Variants in SYNPR observed in about 807,000 individuals in gnomAD.
SYNPR encodes synaptoporin.
A neutral mutation model predicts 32.9 loss-of-function variants in SYNPR; 23 were observed. That is an observed-to-expected ratio of 0.70 (90% CI 0.50 to 0.99). The LOEUF (loss-of-function observed/expected upper bound fraction) is 0.99, where lower values mean the gene tolerates loss of function less well. Ranked by LOEUF, SYNPR falls within the 50% of genes least tolerant of loss-of-function variation. The probability of loss-of-function intolerance (pLI) is 0.00; values close to 1 mark genes in which losing one functional copy is unlikely to be tolerated. For synonymous variants in SYNPR, 146 were observed against 135.9 expected (o/e 1.07, Z -0.52); for missense variants, 318 against 349.3 (o/e 0.91, Z 0.71).
chr3:63,278,558 C>G lies in SYNPR; in HGVS notation c.18+7C>G. ...TATGGACCCTGTGAGTCAGGTGAGA[C>G]AGAACTGGGCAGGGCGGCTGGCTGG... is the stretch of plus-strand genomic sequence containing the variant. On this transcript the variant is annotated splice_region_variant and intron_variant, in intron 1 of 5. Coordinates refer to ENST00000478300, the MANE Select transcript of SYNPR (RefSeq NM_001130003.2). The G allele has an allele frequency of 6.4e-7, 1 of 1,550,940 alleles. No individual in the cohort carries two copies. Among genetic ancestry groups the G allele is most frequent in the Non-Finnish European group, 8.7e-7 (1 of 1,146,470 alleles).
At chr3:63,382,970 C>A (rs1040794753) in intron 2 of SYNPR, among the ~76,000 whole-genome samples, 2 of 152,142 alleles carry the variant, frequency 1.3e-5, no homozygotes, top group Non-Finnish European at 2.9e-5. Context: ...TTACTACAAT[C>A]TGCTCATTAG....
chr3:63,411,353 T>C (rs1017270983), intron 2 of SYNPR, among the ~76,000 whole-genome samples: 1 of 152,126 alleles, frequency 6.6e-6, no homozygotes, highest in Non-Finnish European at 1.5e-5. Flanking sequence ...ATTCAATGAA[T>C]ACTTACAGAG....
intron 4 of SYNPR, among the ~76,000 whole-genome samples, chr3:63,560,240 T>C (rs935957275): frequency 6.6e-6 from 1 of 152,196 alleles, no homozygotes; most frequent in Non-Finnish European, 1.5e-5. Flanking sequence ...GCAGATAAAG[T>C]TAATTTAAAG....
intron 2 of SYNPR, among the ~76,000 whole-genome samples, chr3:63,444,729 G>A (rs1349050600): frequency 6.6e-6 from 1 of 151,978 alleles, no homozygotes. Flanking sequence ...TTTTGGACGT[G>A]CCACGACTCA....
At chr3:63,335,986 G>C (rs926369436) in intron 2 of SYNPR, among the ~76,000 whole-genome samples, 1 of 151,984 alleles carries the variant, frequency 6.6e-6, no homozygotes, top group African/African-American at 2.4e-5. Context: ...ATGTTGGTCA[G>C]GCTGGCCTTG....
intron 3 of SYNPR, among the ~76,000 whole-genome samples, chr3:63,511,913 T>A (rs1418278328): frequency 6.6e-6 from 1 of 152,144 alleles, no homozygotes; most frequent in East Asian, 1.9e-4. Flanking sequence ...TATTGTAAAA[T>A]ATTCAAAGAA....
intron 3 of SYNPR, among the ~76,000 whole-genome samples, chr3:63,526,845 C>T (rs763942547): frequency 2.4e-4 from 36 of 152,120 alleles, no homozygotes; most frequent in Non-Finnish European, 3.2e-4. Flanking sequence ...GGCTGAGGTA[C>T]GATTCAACTA....
intron 1 of SYNPR, among the ~76,000 whole-genome samples, chr3:63,236,984 T>C (rs926808787): frequency 1.3e-5 from 2 of 152,176 alleles, no homozygotes; most frequent in African/African-American, 2.4e-5. Flanking sequence ...AAGTATGATG[T>C]TAGCTGTAGA....
At chr3:63,415,400 G>C (rs2088527280) in intron 2 of SYNPR, among the ~76,000 whole-genome samples, 1 of 150,424 alleles carries the variant, frequency 6.6e-6, no homozygotes, top group Admixed American at 6.6e-5. Flanking sequence ...GCCAAATCCT[G>C]TCTCAGAGAA....
At position 63,495,727 on chromosome 3, in the gene SYNPR, T is replaced by C. The variant is rs191750669; in HGVS notation, c.209+14771T>C. ...CACTTTTTTTGGTTTTTTTCTGTTC[T>C]AAAATCCTTTTAGCAAAACTATGGA... On this transcript the variant is annotated intron_variant, in intron 3 of 5. Transcript: ENST00000478300. Among the ~76,000 whole-genome samples, 817 of 152,288 alleles carry C rather than the reference T, an allele frequency of 5.4e-3. 7 individuals carry two copies. Among genetic ancestry groups the C allele is most frequent in the Middle Eastern group, 0.01 (3 of 294 alleles).
At chr3:63,500,714 T>A (rs1701462529) in intron 3 of SYNPR, among the ~76,000 whole-genome samples, 1 of 152,174 alleles carries the variant, frequency 6.6e-6, no homozygotes, top group Admixed American at 6.5e-5. Flanking sequence ...CAAAACTTGT[T>A]TTCACTCACA....
intron 3 of SYNPR, among the ~76,000 whole-genome samples, chr3:63,492,815 G>A (rs1019984441): frequency 6.6e-6 from 1 of 152,078 alleles, no homozygotes. Context: ...TGTTTTCAAA[G>A]TTATAAAAAT....
At chr3:63,536,922 A>G (rs1435928968) in intron 3 of SYNPR, among the ~76,000 whole-genome samples, 2 of 152,152 alleles carry the variant, frequency 1.3e-5, no homozygotes, top group African/African-American at 4.8e-5. Context: ...AAAGTAGATT[A>G]GAATTTCCAG....
intron 3 of SYNPR, among the ~76,000 whole-genome samples, chr3:63,553,402 C>A (rs1385198391): frequency 6.6e-6 from 1 of 152,138 alleles, no homozygotes; most frequent in East Asian, 1.9e-4. Flanking sequence ...CATGAACATG[C>A]AAGTGCATGG....
chr3:63,575,425 C>T (rs559904303), intron 4 of SYNPR, among the ~76,000 whole-genome samples: 2 of 152,194 alleles, frequency 1.3e-5, no homozygotes, highest in East Asian at 3.9e-4. Flanking sequence ...GCTCCTATTC[C>T]CACATCCATT....
intron 2 of SYNPR, among the ~76,000 whole-genome samples, chr3:63,466,632 G>T (rs75004286): frequency 0.053 from 7,986 of 152,098 alleles, 732 homozygotes; most frequent in African/African-American, 0.18. Context: ...ATACTAGACT[G>T]GGTGGTTTAA....
chr3:63,530,168 A>G (rs546851226), intron 3 of SYNPR, among the ~76,000 whole-genome samples: 1,606 of 148,952 alleles, frequency 0.011, 19 homozygotes, highest in South Asian at 0.041. Context: ...AAGGAAGGGG[A>G]AAAAAAAACT....
chr3:63,288,911 TAAAG>T (rs1284632088), intron 2 of SYNPR, among the ~76,000 whole-genome samples: 1 of 152,156 alleles, frequency 6.6e-6, no homozygotes, highest in African/African-American at 2.4e-5. Context: ...GTCTGGAACT[TAAAG>T]AAGCATCAGT....
At chr3:63,208,801 A>C in the SYNPR span, among the ~76,000 whole-genome samples, 1 of 152,308 alleles carries the variant, frequency 6.6e-6, no homozygotes, top group Non-Finnish European at 1.5e-5. Context: ...GGCTCGGCAC[A>C]AGATTGGCAT....
Sources: allele counts gnomAD v4.1 joint callset (sites outside exome capture counted in the v4.1 genomes callset), GRCh38; gene constraint gnomAD v4.1.1; transcripts MANE v1.5; gene names NCBI Gene and HGNC (gene_info 2026-07-23, HGNC 2026-07-21).